RAP1GAP: variants seen among roughly 807,000 people sequenced by gnomAD.
RAP1GAP encodes the protein RAP1 GTPase activating protein.
A neutral mutation model predicts 87.2 loss-of-function variants in RAP1GAP; 35 were observed. The observed-to-expected ratio is 0.40, with a 90% CI of 0.31 to 0.53. The LOEUF (loss-of-function observed/expected upper bound fraction) is 0.53. Ranked by LOEUF, RAP1GAP falls within the 20% of genes least tolerant of loss-of-function variation. RAP1GAP has a pLI of 0.48. For missense variants in RAP1GAP, 734 were observed against 898.9 expected (o/e 0.82, Z 2.35); for synonymous variants, 375 against 363.9 (o/e 1.03, Z -0.35).
chr1:21,598,233 A>C, intron 22 of RAP1GAP, 167 bp downstream of exon 22: 1 of 768,720 alleles, frequency 1.3e-6, no homozygotes, highest in Non-Finnish European at 2.1e-6. Flanking sequence ...CCAGCCCTCC[A>C]ATCCACCCAG....
At position 21,610,294 on chromosome 1, in the gene RAP1GAP, G is replaced by A. The variant is rs1455536662; in HGVS notation, c.844-19C>T. On this transcript the variant is annotated intron_variant, in intron 13 of 24. Transcript: ENST00000374765. ...GCTGCAACTGAGCACAAAGCCACGG[G>A]CCTTCGTGGTCTGGCCAGAGGGGGC... is the stretch of plus-strand genomic sequence containing the variant. 1.2e-5 allele frequency: 20 copies of A among 1,613,744 alleles called. No individual in the cohort carries two copies. Among genetic ancestry groups the A allele is most frequent in the Middle Eastern group, 3.3e-4 (2 of 6,058 alleles).
chr1:21,626,645 A>G (rs829411), intron 2 of RAP1GAP, among the ~76,000 whole-genome samples: 112,157 of 152,030 alleles, frequency 0.74, 41,553 homozygotes, highest in Admixed American at 0.84. Flanking sequence ...GCCTCCAGCC[A>G]AGCAGTGACC....
In RAP1GAP at chr1:21,628,400, T is replaced by TAAA. The variant is rs528098037; in HGVS notation, c.-112-2006_-112-2004dup. Among the ~76,000 whole-genome samples, 64 of 52,434 alleles carry TAAA rather than the reference T, an allele frequency of 1.2e-3. 6 individuals are homozygous for TAAA. Among genetic ancestry groups the TAAA allele is most frequent in the African/African-American group, 6.8e-3 (55 of 8,146 alleles). The allele number at this position is 52,434 out of a possible 152,430, so 34.4% of individuals were successfully genotyped here. A position where few individuals can be genotyped will look rare whatever the true frequency, so the allele number is the denominator to read the frequency against. ...CAATATGGTGAAACCCCATCTCTACTAAAAAAAAAAAAAAAAAAAAAAAAA... is the reference window on the plus strand; with the variant it reads ...CAATATGGTGAAACCCCATCTCTACTAAAAAAAAAAAAAAAAAAAAAAAAAAAA... On this transcript the variant is annotated intron_variant, in intron 2 of 24. Transcript: ENST00000374765.
chr1:21,629,585 G>A (rs1158461443), intron 2 of RAP1GAP, among the ~76,000 whole-genome samples: 1 of 152,216 alleles, frequency 6.6e-6, no homozygotes, highest in Non-Finnish European at 1.5e-5. Flanking sequence ...GGCCGTAAGG[G>A]GCAGGGGAAG....
intron 1 of RAP1GAP, among the ~76,000 whole-genome samples, chr1:21,658,692 G>A (rs903173603): frequency 6.6e-6 from 1 of 152,110 alleles, no homozygotes; most frequent in African/African-American, 2.4e-5. Context: ...GACCGGCCTG[G>A]TAACAAAGCA....
At position 21,609,558 on chromosome 1, in the gene RAP1GAP, G is replaced by T. The variant is rs759649823; in HGVS notation, c.1071+17C>A. 1.4e-6 allele frequency: 2 copies of T among 1,432,122 alleles called. No homozygotes were observed. The allele number at this position is 1,432,122 out of a possible 1,614,324, so 88.7% of individuals were successfully genotyped here. On this transcript the variant is annotated intron_variant, in intron 15 of 24. Coordinates refer to ENST00000374765, the MANE Select transcript of RAP1GAP (RefSeq NM_002885.4). This position sits in a 1 kb window ranked among gnomAD's most constrained non-coding sequence, Gnocchi z 4.4. ...CATTTGTCCTGCTCTGCCCATGACT[G>T]GGGGGGTGCCCCTCACCTTCCTGAA...
At chr1:21,630,414 A>G (rs1558777529) in intron 2 of RAP1GAP, among the ~76,000 whole-genome samples, 1 of 151,472 alleles carries the variant, frequency 6.6e-6, no homozygotes, top group African/African-American at 2.4e-5. Context: ...GACTACAGGC[A>G]CCACCATGCC....
chr1:21,623,622 C>G (rs2090218448), intron 3 of RAP1GAP, among the ~76,000 whole-genome samples: 1 of 152,254 alleles, frequency 6.6e-6, no homozygotes, highest in African/African-American at 2.4e-5. Flanking sequence ...CTGTGCCCTC[C>G]CTTTCCCCCT....
intron 17 of RAP1GAP, among the ~76,000 whole-genome samples, chr1:21,607,887 G>A (rs928603370): frequency 7.6e-6 from 1 of 131,502 alleles, no homozygotes; most frequent in African/African-American, 2.9e-5. Context: ...CATTAGCCCC[G>A]GCCCCTGACT....
At chr1:21,650,798 C>T (rs1049917959) in intron 1 of RAP1GAP, among the ~76,000 whole-genome samples, 1 of 152,166 alleles carries the variant, frequency 6.6e-6, no homozygotes, top group Admixed American at 6.5e-5. Context: ...AGCAAGACCC[C>T]ATATGGAAGG....
At chr1:21,659,833 C>T (rs1338888046) in intron 1 of RAP1GAP, among the ~76,000 whole-genome samples, 1 of 152,186 alleles carries the variant, frequency 6.6e-6, no homozygotes, top group Non-Finnish European at 1.5e-5. Context: ...TCCTTAAACC[C>T]ACCCTGTAAA....
intron 1 of RAP1GAP, among the ~76,000 whole-genome samples, chr1:21,667,968 G>A (rs1285916772): frequency 1.3e-5 from 2 of 152,188 alleles, no homozygotes; most frequent in Non-Finnish European, 2.9e-5. Flanking sequence ...ATGGAGAAGG[G>A]AATGGGGGGC....
chr1:21,639,817 C>T (rs889358190), intron 2 of RAP1GAP, among the ~76,000 whole-genome samples: 141 of 152,280 alleles, frequency 9.3e-4, no homozygotes, highest in African/African-American at 3.1e-3. Context: ...CCGGGTGTTC[C>T]GCAGCTCTGC....
rs905466903 is a variant in RAP1GAP at position 21,659,798 on chromosome 1, C to T, written c.-149+9456G>A. ...GCACAGCCCCTTCTAGTTCCCGAGG[C>T]CCTGTGCCAAGTGCTTTCATCCAGT... is the stretch of plus-strand genomic sequence containing the variant. On this transcript the variant is annotated intron_variant, in intron 1 of 24. Coordinates refer to ENST00000374765, the MANE Select transcript of RAP1GAP (RefSeq NM_002885.4). Among the ~76,000 whole-genome samples, 51 of 152,210 alleles carry T rather than the reference C, an allele frequency of 3.4e-4. 1 individual carries two copies. The highest frequency in any genetic ancestry group is 5.2e-4 in the Admixed American group (8 of 15,286).
At position 21,622,348 on chromosome 1, in the gene RAP1GAP, G is replaced by T; in HGVS notation, c.-18-2298C>A. 2 of 471,888 alleles carry T rather than the reference G, an allele frequency of 4.2e-6. No individual in the cohort carries two copies. Among genetic ancestry groups the T allele is most frequent in the East Asian group, 3.7e-5 (1 of 27,190 alleles). 29.2% of individuals were successfully genotyped at this position (471,888 alleles called of 1,614,324 possible). On this transcript the variant is annotated intron_variant, in intron 3 of 24. Coordinates refer to ENST00000374765, the MANE Select transcript of RAP1GAP (RefSeq NM_002885.4). The surrounding 1 kb of genome is among the most constrained non-coding windows in gnomAD (Gnocchi z 5.7). ...CCGCCCGGGTCCTCACCTGCCAGCTGGCCCCCGCGGGCAGCGAGCCCCTCC... is the reference window on the plus strand; with the variant it reads ...CCGCCCGGGTCCTCACCTGCCAGCTTGCCCCCGCGGGCAGCGAGCCCCTCC...
chr1:21,640,976 C>T (rs1272591839), intron 2 of RAP1GAP, among the ~76,000 whole-genome samples: 3 of 151,458 alleles, frequency 2.0e-5, no homozygotes, highest in Non-Finnish European at 4.4e-5. Flanking sequence ...GGTGTGATCT[C>T]GGCTCATGGT....
At chr1:21,629,427 A>G (rs375839365) in intron 2 of RAP1GAP, among the ~76,000 whole-genome samples, 4 of 152,256 alleles carry the variant, frequency 2.6e-5, no homozygotes, top group African/African-American at 9.6e-5. Context: ...AGGATTGCTC[A>G]TGTGGGTGCA....
At chr1:21,635,706 C>T (rs926546837) in intron 2 of RAP1GAP, among the ~76,000 whole-genome samples, 7 of 152,236 alleles carry the variant, frequency 4.6e-5, no homozygotes, top group Non-Finnish European at 1.0e-4. Flanking sequence ...ACTCCCCAGG[C>T]GGGGTGACCA....
Position 21,628,459 on chromosome 1 carries a change from C to T in RAP1GAP, c.-112-2062G>A, listed in dbSNP as rs554650177. 4.4e-3 allele frequency among the ~76,000 whole-genome samples: 653 copies of T among 146,858 alleles called. 4 individuals carry two copies. Among genetic ancestry groups the T allele is most frequent in the African/African-American group, 0.014 (573 of 39,586 alleles). ...TACAGGCTGGGCGTGGTGGCTCACA[C>T]CTGTAATCCCAGCACTTTGGGAGGC... On this transcript the variant is annotated intron_variant, in intron 2 of 24. Transcript: ENST00000374765.
Sources: gnomAD v4.1 joint callset for allele counts (sites outside exome capture counted in the v4.1 genomes callset) on GRCh38, gnomAD v4.1.1 for gene constraint, Gnocchi (gnomAD v3.1) non-coding constraint, MANE v1.5 for transcripts, NCBI Gene and HGNC (gene_info 2026-07-23, HGNC 2026-07-21) for gene names.